The following DYNC1LI2 variants were observed in gnomAD, a reference collection of about 807,000 sequenced individuals.
DYNC1LI2 encodes dynein cytoplasmic 1 light intermediate chain 2, also known as cytoplasmic dynein 1 light intermediate chain 2.
A neutral mutation model predicts 57.8 loss-of-function variants in DYNC1LI2; 19 were observed. The ratio of observed to expected loss-of-function variants is 0.33; its 90% CI spans 0.23 to 0.48. The LOEUF (loss-of-function observed/expected upper bound fraction) is 0.48, where lower values mean the gene tolerates loss of function less well. DYNC1LI2 is among the 20% of genes least tolerant of loss of function. The pLI is 0.99. For synonymous variants in DYNC1LI2, 256 were observed against 233.4 expected (o/e 1.10, Z -0.88); for missense variants, 470 against 604.2 (o/e 0.78, Z 2.33).
chr16:66,751,559 C>G lies in DYNC1LI2; in HGVS notation c.33G>C (p.Leu11=). MAPVGVEKKL[L]LGPNGPAVAA... is the part of the protein sequence containing the mutation. ...CCACCGCGGGCCCGTTGGGACCTAG[C>G]AGCAGCTTCTTCTCCACCCCCACCG... The change falls in exon 1 of 13, where the codon CTG becomes CTC. Residue 11 remains leucine (L), a synonymous_variant. Coordinates refer to ENST00000258198, the MANE Select transcript of DYNC1LI2 (RefSeq NM_006141.3). This position sits in a 1 kb window ranked among gnomAD's most constrained non-coding sequence, Gnocchi z 5.2. 6.3e-7 allele frequency: 1 copy of G among 1,585,068 alleles called. No homozygotes were observed. The highest frequency in any genetic ancestry group is 8.6e-7 in the Non-Finnish European group (1 of 1,168,118).
intron 4 of DYNC1LI2, among the ~76,000 whole-genome samples, chr16:66,741,170 C>A (rs1395069380): frequency 1.3e-5 from 2 of 152,210 alleles, no homozygotes; most frequent in African/African-American, 4.8e-5. Context: ...AAGGTTATCA[C>A]TCTAAGAAAA....
In DYNC1LI2 at chr16:66,734,399, G is replaced by T; in HGVS notation, c.700-88C>A. On this transcript the variant is annotated intron_variant, in intron 5 of 12. Coordinates refer to ENST00000258198, the MANE Select transcript of DYNC1LI2 (RefSeq NM_006141.3). ...CATTCTTCAGAAATAAAGTATTGTG[G>T]CTCCAAAGAAGAAAGCCACAGCTCA... The T allele has an allele frequency of 3.1e-6, 4 of 1,311,450 alleles. No individual in the cohort carries two copies. In the South Asian group the frequency reaches 5.1e-5, roughly 17 times the overall value. The allele number at this position is 1,311,450 out of a possible 1,614,324, so 81.2% of individuals were successfully genotyped here.
chr16:66,735,680 G>GT (rs2017721478), intron 5 of DYNC1LI2, among the ~76,000 whole-genome samples: 1 of 151,488 alleles, frequency 6.6e-6, no homozygotes, highest in South Asian at 2.1e-4. Flanking sequence ...CTAATTTTTT[G>GT]TATTTTTTGT....
intron 4 of DYNC1LI2, among the ~76,000 whole-genome samples, chr16:66,740,961 A>G (rs975624788): frequency 6.6e-6 from 1 of 152,222 alleles, no homozygotes; most frequent in Non-Finnish European, 1.5e-5. Flanking sequence ...ATCCTAAATA[A>G]CAGCCATCAA....
chr16:66,741,641 A>T (rs1230414569), intron 4 of DYNC1LI2, among the ~76,000 whole-genome samples: 2 of 152,092 alleles, frequency 1.3e-5, no homozygotes, highest in Non-Finnish European at 2.9e-5. Context: ...CTGTGAAAAT[A>T]CGCCAGGCTG....
At chr16:66,738,672 C>T (rs1282156923) in intron 4 of DYNC1LI2, among the ~76,000 whole-genome samples, 1 of 151,820 alleles carries the variant, frequency 6.6e-6, no homozygotes, top group African/African-American at 2.4e-5. Flanking sequence ...GTCAGGAATT[C>T]AAGACCAGCC....
intron 3 of DYNC1LI2, among the ~76,000 whole-genome samples, chr16:66,743,597 T>C (rs1016484802): frequency 1.3e-5 from 2 of 148,266 alleles, no homozygotes; most frequent in Non-Finnish European, 3.0e-5. Context: ...GAGAGTCTCT[T>C]AGCTTTCAAT....
chr16:66,748,414 T>C (rs975831240), intron 3 of DYNC1LI2, among the ~76,000 whole-genome samples: 1 of 152,098 alleles, frequency 6.6e-6, no homozygotes, highest in Non-Finnish European at 1.5e-5. Context: ...TAAAATTATA[T>C]GTAATCCTTA....
chr16:66,748,565 TTTCA>T (rs141301365), intron 3 of DYNC1LI2, among the ~76,000 whole-genome samples: 45,374 of 151,702 alleles, frequency 0.3, 7,991 homozygotes, highest in East Asian at 0.6. Context: ...TGGGCATTTC[TTTCA>T]TTCTTTCTTT....
chr16:66,751,240 G>T lies in DYNC1LI2; in HGVS notation c.181+33C>A. 2.5e-6 allele frequency: 4 copies of T among 1,604,910 alleles called. No individual in the cohort carries two copies. Among genetic ancestry groups the T allele is most frequent in the Non-Finnish European group, 3.4e-6 (4 of 1,176,226 alleles). ...GGGCGCCCGCCTCGCCCACCCCAGC[G>T]ACCTGGGGCAACGCCCCGCCGCCGG... On this transcript the variant is annotated intron_variant, in intron 2 of 12. Transcript: ENST00000258198. The surrounding 1 kb of genome is among the most constrained non-coding windows in gnomAD (Gnocchi z 5.2).
At chr16:66,732,284 A>C in intron 7 of DYNC1LI2, 55 bp downstream of exon 7, 1 of 1,588,568 alleles carries the variant, frequency 6.3e-7, no homozygotes, top group Non-Finnish European at 8.5e-7. Flanking sequence ...AAAATGTAAA[A>C]AGCAAATGTA....
chr16:66,742,351 G>A (rs1036864121), intron 4 of DYNC1LI2, 87 bp downstream of exon 4: 4 of 1,335,780 alleles, frequency 3.0e-6, no homozygotes, highest in East Asian at 2.4e-5. Flanking sequence ...AGCAAGGGAA[G>A]CCTCTAGGAT....
intron 8 of DYNC1LI2, among the ~76,000 whole-genome samples, chr16:66,729,571 G>GTTTTTTT (rs11310483): frequency 1.1e-5 from 1 of 93,708 alleles, no homozygotes; most frequent in African/African-American, 4.7e-5. Flanking sequence ...TTTCTTTATA[G>GTTTTTTT]TTTTTTTTTT....
intron 10 of DYNC1LI2, 89 bp downstream of exon 10, chr16:66,728,112 C>G (rs2017568180): frequency 1.3e-6 from 2 of 1,549,976 alleles, no homozygotes; most frequent in East Asian, 4.6e-5. Context: ...AAAACCCACA[C>G]AAATATACGC....
intron 8 of DYNC1LI2, 131 bp downstream of exon 8, chr16:66,729,981 A>G: frequency 3.1e-6 from 2 of 638,682 alleles, no homozygotes; most frequent in South Asian, 2.2e-5. Context: ...GGGTTTTGCC[A>G]TGTTCGCCAG....
intron 4 of DYNC1LI2, chr16:66,738,932 CACAA>C (rs1288363010): frequency 7.4e-6 from 1 of 135,646 alleles, no homozygotes; most frequent in African/African-American, 2.8e-5. Flanking sequence ...CACACACACA[CACAA>C]ATACTTCACT....
In DYNC1LI2 at chr16:66,736,108, G is replaced by A. The variant is rs1341363690; in HGVS notation, c.666C>T (p.Asn222=). The change falls in exon 5 of 13, where the codon AAC becomes AAT. Residue 222 remains asparagine (N), a synonymous_variant. Coordinates refer to ENST00000258198, the MANE Select transcript of DYNC1LI2 (RefSeq NM_006141.3). Reference sequence around the variant, plus strand: ...ACACCACCAACACCGGGATCCCCAGGTTATGAGTCAGCACATTGTCACCCA... The same window carrying A: ...ACACCACCAACACCGGGATCCCCAGATTATGAGTCAGCACATTGTCACCCA... ...LPLGDNVLTH[N]LGIPVLVVCT... The A allele has an allele frequency of 2.5e-6, 4 of 1,614,056 alleles. No homozygotes were observed. Among genetic ancestry groups the A allele is most frequent in the Non-Finnish European group, 3.4e-6 (4 of 1,180,030 alleles).
At chr16:66,734,185 T>C in intron 6 of DYNC1LI2, 33 bp downstream of exon 6, 1 of 1,606,850 alleles carries the variant, frequency 6.2e-7, no homozygotes, top group Non-Finnish European at 8.5e-7. Flanking sequence ...AGAAAGCCTG[T>C]GACCCAGGCC....
At chr16:66,749,925 C>T (rs1049883221) in intron 2 of DYNC1LI2, among the ~76,000 whole-genome samples, 1 of 152,160 alleles carries the variant, frequency 6.6e-6, no homozygotes, top group Non-Finnish European at 1.5e-5. Context: ...CCAAACAACA[C>T]CCCCCTTCCC....
Sources: gnomAD v4.1 joint callset for allele counts (sites outside exome capture counted in the v4.1 genomes callset) on GRCh38, gnomAD v4.1.1 for gene constraint, Gnocchi (gnomAD v3.1) non-coding constraint, MANE v1.5 for transcripts, NCBI Gene and HGNC (gene_info 2026-07-23, HGNC 2026-07-21) for gene names.